The following CCR3 variants were observed in gnomAD, a reference collection of about 807,000 sequenced individuals.
CCR3 encodes the protein C-C motif chemokine receptor 3.
For missense variants in CCR3, 419 were observed against 437.5 expected (o/e 0.96, Z 0.38); for synonymous variants, 203 against 179.2 (o/e 1.13, Z -1.06).
intron 1 of CCR3, among the ~76,000 whole-genome samples, chr3:46,248,142 C>G (rs1376658640): frequency 6.6e-6 from 1 of 152,032 alleles, no homozygotes; most frequent in Non-Finnish European, 1.5e-5. Flanking sequence ...CAGAGAGATA[C>G]AGTCATGAGG....
intron 1 of CCR3, chr3:46,263,863 G>C (rs565885062): frequency 6.5e-6 from 1 of 153,504 alleles, no homozygotes; most frequent in Admixed American, 6.5e-5. Flanking sequence ...CTCAGTATTC[G>C]ATCAATTATT....
Position 46,265,786 on chromosome 3 carries a change from C to A in CCR3, c.628C>A (p.Leu210Ile). The A allele has an allele frequency of 6.2e-7, 1 of 1,613,934 alleles. No individual in the cohort carries two copies. Among genetic ancestry groups the A allele is most frequent in the South Asian group, 1.1e-5 (1 of 91,082 alleles). Residue 210 changes from leucine to isoleucine, a missense_variant, in exon 2 of 2, where the codon CTC (leucine) becomes ATC (isoleucine). By Grantham distance (5) the Leu-to-Ile change is conservative (BLOSUM62 2). Coordinates refer to ENST00000395940, the MANE Select transcript of CCR3 (RefSeq NM_178329.3). ...GAGAATGACCATCTTCTGTCTCGTT[C>A]TCCCTCTGCTCGTTATGGCCATCTG... ...TLRMTIFCLV[L>I]PLLVMAICYT...
upstream of CCR3, among the ~76,000 whole-genome samples, chr3:46,241,530 A>T (rs115794207): frequency 8.8e-3 from 1,346 of 152,102 alleles, 12 homozygotes; most frequent in Middle Eastern, 0.041. Flanking sequence ...CACACTTTAC[A>T]TTTCCTTAGC....
chr3:46,252,169 C>CTTTTTTTTTT, intron 1 of CCR3, among the ~76,000 whole-genome samples: 1 of 86,868 alleles, frequency 1.2e-5, no homozygotes, highest in Non-Finnish European at 2.2e-5. Flanking sequence ...TAGTTTCTGT[C>CTTTTTTTTTT]TTTTTTTTTT....
intron 1 of CCR3, among the ~76,000 whole-genome samples, chr3:46,260,859 T>G (rs1379994759): frequency 6.6e-6 from 1 of 152,150 alleles, no homozygotes; most frequent in East Asian, 1.9e-4. Flanking sequence ...CCAAGAAAAC[T>G]TTGTGGTTTT....
chr3:46,266,449 A>G lies in CCR3; in HGVS notation c.*223A>G. 2 of 434,810 alleles carry G rather than the reference A, an allele frequency of 4.6e-6. No homozygotes were observed. Among genetic ancestry groups the G allele is most frequent in the Admixed American group, 4.0e-5 (1 of 25,198 alleles). 26.9% of individuals were successfully genotyped at this position (434,810 alleles called of 1,614,324 possible). A position where few individuals can be genotyped will look rare whatever the true frequency, so the allele number is the denominator to read the frequency against. ...CAGCGTACTCATCATCAACCCTAAAAAGCAGAGCTTTGCTTCTCTCTCTAA... is the reference window on the plus strand; with the variant it reads ...CAGCGTACTCATCATCAACCCTAAAGAGCAGAGCTTTGCTTCTCTCTCTAA... On this transcript the variant is annotated 3_prime_UTR_variant, in exon 2 of 2. Coordinates refer to ENST00000395940, the MANE Select transcript of CCR3 (RefSeq NM_178329.3).
At chr3:46,246,823 G>A (rs893832408) in intron 1 of CCR3, among the ~76,000 whole-genome samples, 4 of 152,106 alleles carry the variant, frequency 2.6e-5, no homozygotes, top group East Asian at 1.9e-4. Flanking sequence ...GAGAGAATGG[G>A]CGATGTTTCC....
At chr3:46,264,074 G>C (rs1207176350) in intron 1 of CCR3, 6 of 297,212 alleles carry the variant, frequency 2.0e-5, no homozygotes, top group South Asian at 1.3e-4. Context: ...TGCCTTATCT[G>C]TTTTCTATTT....
intron 1 of CCR3, among the ~76,000 whole-genome samples, chr3:46,257,259 C>A (rs554712751): frequency 1.3e-5 from 2 of 152,174 alleles, no homozygotes; most frequent in South Asian, 2.1e-4. Flanking sequence ...TTTGGAGAGT[C>A]GTTGTTGTCT....
Position 46,265,492 on chromosome 3 carries a change from T to C in CCR3, c.334T>C (p.Phe112Leu), listed in dbSNP as rs201580494. The stretch of plus-strand genomic sequence containing the variant: ...TGGCATGTGTAAGCTCCTCTCAGGG[T>C]TTTATCACACAGGCTTGTACAGCGA... ...GHGMCKLLSG[F>L]YHTGLYSEIF... is the part of the protein sequence containing the mutation. The change falls in exon 2 of 2, where the codon TTT becomes CTT. Residue 112 changes from phenylalanine (F) to leucine (L), a missense_variant. Coordinates refer to ENST00000395940, the MANE Select transcript of CCR3 (RefSeq NM_178329.3). 6.2e-7 allele frequency: 1 copy of C among 1,613,990 alleles called. No individual in the cohort carries two copies. Among genetic ancestry groups the C allele is most frequent in the East Asian group, 2.2e-5 (1 of 44,870 alleles).
At chr3:46,215,702 A>G (rs1699766378) in intron 2 of CCR3, among the ~76,000 whole-genome samples, 1 of 152,174 alleles carries the variant, frequency 6.6e-6, no homozygotes, top group Non-Finnish European at 1.5e-5. Flanking sequence ...AGTCAGAAAC[A>G]CTTTGCATCG....
At chr3:46,243,179 C>T (rs760839884) in intron 1 of CCR3, among the ~76,000 whole-genome samples, 14 of 151,658 alleles carry the variant, frequency 9.2e-5, no homozygotes, top group Non-Finnish European at 1.6e-4. Flanking sequence ...AATACAAGTA[C>T]CTAGATTACT....
chr3:46,241,745 C>T (rs929285123), upstream of CCR3, among the ~76,000 whole-genome samples: 1 of 152,164 alleles, frequency 6.6e-6, no homozygotes. Flanking sequence ...ACCTTTGCAG[C>T]CACATTTTGC....
At position 46,233,514 on chromosome 3, in the gene CCR3, GTGT is replaced by G. The variant is rs1699990989; in HGVS notation, c.-67-8877_-67-8875del. ...CATACTCCTAAGCTATCTTCTGCGT[GTGT>G]TGTTGTTGTTTTGGCTCTTTTTTCC... On this transcript the variant is annotated intron_variant, in intron 2 of 3. Coordinates refer to the CCR3 transcript ENST00000357422. Among the ~76,000 whole-genome samples the G allele has an allele frequency of 4.6e-5, 7 of 152,112 alleles. No homozygotes were observed. The South Asian group carries it at 8.3e-4, about 18-fold the overall frequency.
intron 2 of CCR3, among the ~76,000 whole-genome samples, chr3:46,222,926 A>C (rs1198244025): frequency 6.6e-6 from 1 of 152,206 alleles, no homozygotes; most frequent in African/African-American, 2.4e-5. Flanking sequence ...AATGTCTCCT[A>C]TGTGCAAGAA....
At chr3:46,250,735 G>C (rs531000807) in intron 1 of CCR3, among the ~76,000 whole-genome samples, 2 of 152,084 alleles carry the variant, frequency 1.3e-5, no homozygotes, top group African/African-American at 4.8e-5. Context: ...GAGGAATGGA[G>C]GGTGGAATTT....
At position 46,255,345 on chromosome 3, in the gene CCR3, G is replaced by C. The variant is rs537327797; in HGVS notation, c.-11-9803G>C. Among the ~76,000 whole-genome samples the C allele has an allele frequency of 5.9e-5, 9 of 151,768 alleles. 1 individual carries two copies. In the South Asian group the frequency reaches 1.9e-3, roughly 32 times the overall value. On this transcript the variant is annotated intron_variant, in intron 1 of 1. Transcript: ENST00000395940. ...AACGATTTTCTCCCAATCTGTTGGT[G>C]GTCTGTTTACTCTGCTGATTATTTC...
chr3:46,256,730 A>C (rs1700432697), intron 1 of CCR3, among the ~76,000 whole-genome samples: 1 of 152,196 alleles, frequency 6.6e-6, no homozygotes, highest in African/African-American at 2.4e-5. Flanking sequence ...ATATCACTAT[A>C]GTTAATAATT....
At chr3:46,228,287 C>T (rs890795406) in intron 2 of CCR3, among the ~76,000 whole-genome samples, 2 of 152,012 alleles carry the variant, frequency 1.3e-5, no homozygotes, top group African/African-American at 4.8e-5. Context: ...CCTGTTGTTA[C>T]AAAGAGAAAT....
Sources: gnomAD v4.1 joint callset for allele counts (sites outside exome capture counted in the v4.1 genomes callset) on GRCh38, gnomAD v4.1.1 for gene constraint, MANE v1.5 for transcripts, NCBI Gene and HGNC (gene_info 2026-07-23, HGNC 2026-07-21) for gene names.